OTUD7A: variants seen among roughly 807,000 people sequenced by gnomAD.
The protein encoded by OTUD7A is OTU domain-containing protein 7A.
A neutral mutation model predicts 65.7 loss-of-function variants in OTUD7A; 12 were observed. The observed-to-expected ratio is 0.18, with a 90% confidence interval of 0.12 to 0.30. The LOEUF (loss-of-function observed/expected upper bound fraction) is 0.30, where lower values mean the gene tolerates loss of function less well. OTUD7A is among the 10% of genes least tolerant of loss of function. The probability of loss-of-function intolerance (pLI) is 1.00; values close to 1 mark genes in which losing one functional copy is unlikely to be tolerated. For synonymous variants in OTUD7A, 641 were observed against 586.3 expected (o/e 1.09, Z -1.35); for missense variants, 1,148 against 1,304.8 (o/e 0.88, Z 1.85).
intron 4 of OTUD7A, 102 bp downstream of exon 4, chr15:31,569,916 G>T: frequency 7.9e-7 from 1 of 1,265,908 alleles, no homozygotes; most frequent in Non-Finnish European, 1.1e-6. Flanking sequence ...GTCTGCATCC[G>T]GGAGGTGATG....
At chr15:31,669,729 T>C (rs890381218) in intron 1 of OTUD7A, among the ~76,000 whole-genome samples, 1 of 152,060 alleles carries the variant, frequency 6.6e-6, no homozygotes, top group African/African-American at 2.4e-5. Context: ...CTGTGGTGTT[T>C]TTCCCCCCTC....
intron 3 of OTUD7A, among the ~76,000 whole-genome samples, chr15:31,633,086 C>T (rs565142229): frequency 1.6e-4 from 25 of 152,354 alleles, no homozygotes; most frequent in African/African-American, 5.8e-4. Flanking sequence ...TGAGGCAATG[C>T]CTTGCCCTGC....
At chr15:31,761,982 C>G (rs1741026152) in intron 1 of OTUD7A, among the ~76,000 whole-genome samples, 1 of 152,068 alleles carries the variant, frequency 6.6e-6, no homozygotes, top group African/African-American at 2.4e-5. Flanking sequence ...TTAATGGTTG[C>G]CTACAGAGGG....
chr15:31,637,144 T>A (rs919319860), intron 3 of OTUD7A, among the ~76,000 whole-genome samples: 4 of 152,218 alleles, frequency 2.6e-5, no homozygotes, highest in African/African-American at 9.6e-5. Context: ...GAAGATGTTA[T>A]CTAGGCTAGA....
intron 3 of OTUD7A, among the ~76,000 whole-genome samples, chr15:31,630,687 T>C (rs2141248899): frequency 6.6e-6 from 1 of 152,290 alleles, no homozygotes; most frequent in African/African-American, 2.4e-5. Context: ...GACAGTGGGG[T>C]GTTAAAGTCT....
chr15:31,790,971 G>C (rs969729815), intron 1 of OTUD7A, among the ~76,000 whole-genome samples: 1 of 152,156 alleles, frequency 6.6e-6, no homozygotes, highest in African/African-American at 2.4e-5. Flanking sequence ...TGGACTGGGA[G>C]GTGCAAGTCT....
chr15:31,491,332 A>G (rs2041314982), intron 10 of OTUD7A, among the ~76,000 whole-genome samples: 1 of 152,190 alleles, frequency 6.6e-6, no homozygotes, highest in South Asian at 2.1e-4. Context: ...AAGAAATGAA[A>G]ATGCTAGAAA....
At chr15:31,623,938 C>T (rs1890878666) in intron 3 of OTUD7A, among the ~76,000 whole-genome samples, 1 of 152,230 alleles carries the variant, frequency 6.6e-6, no homozygotes. Context: ...ATGATATTTG[C>T]ACTGATGCTA....
At chr15:31,725,446 A>G (rs1274307099) in intron 1 of OTUD7A, among the ~76,000 whole-genome samples, 1 of 152,212 alleles carries the variant, frequency 6.6e-6, no homozygotes, top group African/African-American at 2.4e-5. Context: ...CTATATCTGC[A>G]TCTTTCAAAG....
chr15:31,759,439 G>C (rs567441537), intron 1 of OTUD7A, among the ~76,000 whole-genome samples: 82 of 152,316 alleles, frequency 5.4e-4, no homozygotes, highest in Middle Eastern at 6.8e-3. Flanking sequence ...CCTACATTCT[G>C]CTAATCCTGT....
At chr15:31,595,815 C>T (rs1889887345) in intron 3 of OTUD7A, among the ~76,000 whole-genome samples, 1 of 152,216 alleles carries the variant, frequency 6.6e-6, no homozygotes. Context: ...CTGGCTGTAG[C>T]ACTGAGTCCC....
rs59869625 is a variant in OTUD7A at position 31,860,622 on chromosome 15, G to GATAA, written c.-100+9884_-100+9885insTTAT. 1.9e-4 allele frequency among the ~76,000 whole-genome samples: 5 copies of GATAA among 26,856 alleles called. 1 individual carries two copies. The highest frequency in any genetic ancestry group is 3.3e-4 in the African/African-American group (4 of 12,006). The allele number at this position is 26,856 out of a possible 152,430, so 17.6% of individuals were successfully genotyped here. A position where few individuals can be genotyped will look rare whatever the true frequency, so the allele number is the denominator to read the frequency against. ...TATTCTCCTCGACCCCAGAAGTGGA[G>GATAA]ATATATATATATATATATATATGTA... On this transcript the variant is annotated intron_variant, in intron 1 of 12. Transcript: ENST00000307050.
chr15:31,496,054 A>C (rs2041378467), intron 10 of OTUD7A, among the ~76,000 whole-genome samples: 1 of 145,290 alleles, frequency 6.9e-6, no homozygotes, highest in African/African-American at 2.6e-5. Context: ...TGACAGAATG[A>C]AACCCCATCT....
intron 1 of OTUD7A, among the ~76,000 whole-genome samples, chr15:31,685,658 C>CA (rs1566974359): frequency 6.6e-6 from 1 of 152,262 alleles, no homozygotes; most frequent in East Asian, 1.9e-4. Flanking sequence ...GACTCCGTCT[C>CA]AAAAAAAGAT....
intron 4 of OTUD7A, 78 bp from the exon 5 acceptor site, chr15:31,559,265 T>A: frequency 7.5e-7 from 1 of 1,330,112 alleles, no homozygotes; most frequent in Non-Finnish European, 1.0e-6. Context: ...ACACACATAC[T>A]ATGCACACAC....
At chr15:31,620,206 A>C (rs1422330933) in intron 3 of OTUD7A, among the ~76,000 whole-genome samples, 1 of 152,164 alleles carries the variant, frequency 6.6e-6, no homozygotes, top group Non-Finnish European at 1.5e-5. Context: ...GATGTTCATC[A>C]GGGATATTAG....
At chr15:31,535,584 C>T (rs1371930100) in intron 5 of OTUD7A, among the ~76,000 whole-genome samples, 2 of 151,766 alleles carry the variant, frequency 1.3e-5, no homozygotes, top group African/African-American at 4.8e-5. Flanking sequence ...TCAGAGCAGC[C>T]TTATTTCTCA....
intron 1 of OTUD7A, among the ~76,000 whole-genome samples, chr15:31,702,481 C>A (rs183208531): frequency 1.7e-4 from 25 of 151,056 alleles, no homozygotes; most frequent in Non-Finnish European, 3.7e-4. Flanking sequence ...AACATGTGGA[C>A]ACTAACATTA....
intron 3 of OTUD7A, among the ~76,000 whole-genome samples, chr15:31,608,705 A>C (rs1890308256): frequency 6.6e-6 from 1 of 152,372 alleles, no homozygotes; most frequent in East Asian, 1.9e-4. Flanking sequence ...AAGAATATAC[A>C]GGATGGGATA....
Sources: allele counts gnomAD v4.1 joint callset (sites outside exome capture counted in the v4.1 genomes callset), GRCh38; gene constraint gnomAD v4.1.1; transcripts MANE v1.5; gene names NCBI Gene and HGNC (gene_info 2026-07-23, HGNC 2026-07-21).